Variants in ZNF215 observed in about 807,000 individuals in gnomAD.
ZNF215 encodes the protein BWSCR2-associated zinc finger protein 2.
ZNF215 carries 24 observed loss-of-function variants against 27.2 expected under a neutral mutation model. The ratio of observed to expected loss-of-function variants is 0.88; its 90% confidence interval spans 0.64 to 1.24. The LOEUF is 1.24. Among genes scored for constraint, ZNF215 ranks in the 50% most tolerant of loss-of-function variants. The pLI is 0.00. For synonymous variants in ZNF215, 210 were observed against 204.0 expected, an observed-to-expected ratio of 1.03 and a Z score of -0.25; for missense variants, 675 against 605.7, an observed-to-expected ratio of 1.11 and a Z score of -1.20.
chr11:6,949,710 T>C (rs1449467304), intron 6 of ZNF215, among the ~76,000 whole-genome samples: 1 of 152,238 alleles, frequency 6.6e-6, no homozygotes, highest in African/African-American at 2.4e-5. Flanking sequence ...GTAGTTTCTT[T>C]TGCTGTGCAG....
At position 6,932,117 on chromosome 11, in the gene ZNF215, C is replaced by G; in HGVS notation, c.-156C>G. On this transcript the variant is annotated 5_prime_UTR_variant, in exon 3 of 7. Coordinates refer to ENST00000278319, the MANE Select transcript of ZNF215 (RefSeq NM_013250.4). ...AGTTGCTCAGGTACCTGAATATTGG[C>G]TTTGTGTCTAAAGTTTCTGGAACTT... The G allele has an allele frequency of 1.2e-6, 1 of 853,002 alleles. No individual in the cohort carries two copies. Among genetic ancestry groups the G allele is most frequent in the South Asian group, 2.5e-5 (1 of 39,896 alleles). 52.8% of individuals were successfully genotyped at this position (853,002 alleles called of 1,614,324 possible).
intron 5 of ZNF215, among the ~76,000 whole-genome samples, chr11:6,965,267 C>G (rs1380365089): frequency 6.6e-6 from 1 of 152,056 alleles, no homozygotes; most frequent in Admixed American, 6.6e-5. Context: ...GAGAGTGCCG[C>G]TTGTGTACCA....
At chr11:6,930,949 T>C (rs1398250596) in intron 2 of ZNF215, among the ~76,000 whole-genome samples, 2 of 152,236 alleles carry the variant, frequency 1.3e-5, no homozygotes, top group Non-Finnish European at 2.9e-5. Context: ...CGATTTGGAC[T>C]GGGTAATTCT....
At chr11:6,976,898 A>T (rs1207833479) in intron 5 of ZNF215, among the ~76,000 whole-genome samples, 2 of 152,092 alleles carry the variant, frequency 1.3e-5, no homozygotes, top group Non-Finnish European at 2.9e-5. Context: ...CAGACGTCTG[A>T]AATCAGTTTC....
Position 6,932,103 on chromosome 11 carries a change from T to A in ZNF215, c.-170T>A. The A allele has an allele frequency of 1.5e-6, 1 of 688,766 alleles. No individual in the cohort carries two copies. Among genetic ancestry groups the A allele is most frequent in the Non-Finnish European group, 2.3e-6 (1 of 434,964 alleles). 42.7% of individuals were successfully genotyped at this position (688,766 alleles called of 1,614,324 possible). A position where few individuals can be genotyped will look rare whatever the true frequency, so the allele number is the denominator to read the frequency against. ...TTCTATCTTTTTTCAGTTGCTCAGG[T>A]ACCTGAATATTGGCTTTGTGTCTAA... On this transcript the variant is annotated 5_prime_UTR_variant, in exon 3 of 7. Coordinates refer to ENST00000278319, the MANE Select transcript of ZNF215 (RefSeq NM_013250.4).
chr11:6,958,423 A>C (rs992090753), downstream of ZNF215, among the ~76,000 whole-genome samples: 4 of 152,216 alleles, frequency 2.6e-5, no homozygotes, highest in Non-Finnish European at 4.4e-5. Flanking sequence ...AGCTTTCTTA[A>C]AAAAGTGTTT....
chr11:6,929,386 C>T (rs1002475892), intron 2 of ZNF215, among the ~76,000 whole-genome samples: 9 of 152,122 alleles, frequency 5.9e-5, no homozygotes, highest in African/African-American at 2.2e-4. Context: ...TAACTAAAGT[C>T]CATGCTTTAT....
At position 6,943,660 on chromosome 11, in the gene ZNF215, T is replaced by C. The variant is rs915506469; in HGVS notation, c.712+19T>C. On this transcript the variant is annotated intron_variant, in intron 6 of 6. Transcript: ENST00000278319. ...ATTTTTGGTAAGAACCAGGTAGATA[T>C]GAGGCCATAGTAAGAAGCTTCTGTT... 15 of 1,564,006 alleles carry C rather than the reference T, an allele frequency of 9.6e-6. No homozygotes were observed. The highest frequency in any genetic ancestry group is 6.7e-5 in the East Asian group (3 of 44,634).
At chr11:6,980,789 G>A (rs1180302535) in intron 5 of ZNF215, among the ~76,000 whole-genome samples, 1 of 123,684 alleles carries the variant, frequency 8.1e-6, no homozygotes, top group Non-Finnish European at 1.6e-5. Context: ...TCCCCAGAGT[G>A]TGATGTTCCC....
intron 5 of ZNF215, among the ~76,000 whole-genome samples, chr11:6,973,164 G>C (rs1306343099): frequency 6.6e-6 from 1 of 152,030 alleles, no homozygotes; most frequent in Non-Finnish European, 1.5e-5. Context: ...TTCTGTCCTT[G>C]CAATAGTTTG....
chr11:6,942,931 T>G, intron 4 of ZNF215, 152 bp from the exon 5 acceptor site: 1 of 1,213,408 alleles, frequency 8.2e-7, no homozygotes, highest in Non-Finnish European at 1.1e-6. Flanking sequence ...AATTTGATTT[T>G]CATCACTTAG....
downstream of ZNF215, among the ~76,000 whole-genome samples, chr11:6,986,058 G>A (rs1170541419): frequency 2.0e-5 from 3 of 151,864 alleles, no homozygotes; most frequent in East Asian, 1.9e-4. Context: ...AAAAGATCTC[G>A]AATATCCAAA....
downstream of ZNF215, among the ~76,000 whole-genome samples, chr11:6,990,192 C>A (rs1342993853): frequency 1.3e-5 from 2 of 152,140 alleles, no homozygotes; most frequent in African/African-American, 2.4e-5. Context: ...AAGTATTGGT[C>A]TCCATGTGTA....
downstream of ZNF215, chr11:6,984,705 T>C (rs1851026927): frequency 1.3e-5 from 2 of 152,206 alleles, no homozygotes; most frequent in Non-Finnish European, 2.9e-5. Context: ...ATTCCATAGT[T>C]TGAAAACTAA....
chr11:6,953,705 T>C (rs1050353333), intron 6 of ZNF215, among the ~76,000 whole-genome samples: 3 of 152,240 alleles, frequency 2.0e-5, no homozygotes, highest in African/African-American at 7.2e-5. Context: ...TTGAAGTAGT[T>C]TGATCATCTG....
At chr11:6,942,465 G>A (rs1242796298) in intron 4 of ZNF215, among the ~76,000 whole-genome samples, 3 of 152,130 alleles carry the variant, frequency 2.0e-5, no homozygotes, top group Non-Finnish European at 4.4e-5. Context: ...TCTAGTAGAC[G>A]TATACAGGCA....
intron 6 of ZNF215, among the ~76,000 whole-genome samples, chr11:6,949,628 A>G (rs961932043): frequency 3.9e-5 from 6 of 152,084 alleles, no homozygotes; most frequent in African/African-American, 1.4e-4. Context: ...GATTCTGGAT[A>G]TTAGCCCTTT....
intron 6 of ZNF215, among the ~76,000 whole-genome samples, chr11:6,953,643 T>G (rs1850186131): frequency 6.6e-6 from 1 of 152,198 alleles, no homozygotes; most frequent in Non-Finnish European, 1.5e-5. Flanking sequence ...TGTCTAAAAT[T>G]TTTTCAAAGT....
chr11:6,979,380 A>G (rs1489554581), intron 5 of ZNF215, among the ~76,000 whole-genome samples: 1 of 151,998 alleles, frequency 6.6e-6, no homozygotes, highest in Non-Finnish European at 1.5e-5. Flanking sequence ...TCTGTGAAAA[A>G]CCATAGATTT....
Sources: allele counts gnomAD v4.1 joint callset (sites outside exome capture counted in the v4.1 genomes callset), GRCh38; gene constraint gnomAD v4.1.1; transcripts MANE v1.5; gene names NCBI Gene and HGNC (gene_info 2026-07-23, HGNC 2026-07-21).